The following KIF21A variants were observed in gnomAD, a reference collection of about 807,000 sequenced individuals.
The protein encoded by KIF21A is kinesin family member 21A.
Under a neutral mutation model 202.9 loss-of-function variants are expected in KIF21A, and 114 were observed. The ratio of observed to expected loss-of-function variants is 0.56; its 90% CI spans 0.48 to 0.66. The LOEUF (loss-of-function observed/expected upper bound fraction) is 0.66. Among genes scored for constraint, KIF21A ranks in the 30% least tolerant of loss-of-function variants. The probability of loss-of-function intolerance (pLI) is 0.00; values close to 1 mark genes in which losing one functional copy is unlikely to be tolerated. For missense variants in KIF21A, 1,677 were observed against 1,994.9 expected (o/e 0.84, Z 3.04); for synonymous variants, 667 against 670.8 (o/e 0.99, Z 0.09).
In KIF21A at chr12:39,330,266, T is replaced by A. The variant is rs371915160; in HGVS notation, c.3320-4A>T. On this transcript the variant is annotated splice_polypyrimidine_tract_variant and splice_region_variant and intron_variant, in intron 23 of 37. Coordinates refer to ENST00000361418, the MANE Select transcript of KIF21A (RefSeq NM_001173464.2). Reference sequence around the variant, plus strand: ...CCTAATGGTACGCTATCTAGATCTGTGTAAATAACAGCAAAAAGGAAACAA... The same window carrying A: ...CCTAATGGTACGCTATCTAGATCTGAGTAAATAACAGCAAAAAGGAAACAA... 6.9e-5 allele frequency: 112 copies of A among 1,611,926 alleles called. No homozygotes were observed. The highest frequency in any genetic ancestry group is 8.8e-5 in the Non-Finnish European group (104 of 1,178,468).
chr12:39,357,447 G>A lies in KIF21A; in HGVS notation c.1216-10C>T. ...CAATTATTCTTTTACCCTAGTAAAG[G>A]AAAATAATGTCCTTGTTGGTTGAGG... On this transcript the variant is annotated splice_polypyrimidine_tract_variant and intron_variant, in intron 8 of 37. Transcript: ENST00000361418. 1 of 1,609,868 alleles carries A rather than the reference G, an allele frequency of 6.2e-7. No individual in the cohort carries two copies. Among genetic ancestry groups the A allele is most frequent in the Non-Finnish European group, 8.5e-7 (1 of 1,176,398 alleles).
intron 10 of KIF21A, among the ~76,000 whole-genome samples, chr12:39,356,083 T>C (rs1948756732): frequency 2.0e-5 from 3 of 152,190 alleles, no homozygotes; most frequent in Admixed American, 2.0e-4. Context: ...GGGTTTTCCT[T>C]CAAGAAAAAA....
chr12:39,396,955 A>G (rs1456669230), intron 1 of KIF21A, among the ~76,000 whole-genome samples: 1 of 152,126 alleles, frequency 6.6e-6, no homozygotes, highest in Non-Finnish European at 1.5e-5. Flanking sequence ...ACCAAACTCA[A>G]AAGACTAAAT....
chr12:39,399,587 T>A (rs899721302), intron 1 of KIF21A, among the ~76,000 whole-genome samples: 1 of 152,196 alleles, frequency 6.6e-6, no homozygotes, highest in Non-Finnish European at 1.5e-5. Context: ...ACATGAGACA[T>A]ATGAGACACT....
At chr12:39,338,735 C>T (rs1284824418) in intron 16 of KIF21A, among the ~76,000 whole-genome samples, 1 of 152,072 alleles carries the variant, frequency 6.6e-6, no homozygotes, top group Non-Finnish European at 1.5e-5. Context: ...TATGTTTATG[C>T]TATACAGTAG....
In KIF21A at chr12:39,295,835, G is replaced by A. The variant is rs1942277445; in HGVS notation, c.4932-1318C>T. Among the ~76,000 whole-genome samples the A allele has an allele frequency of 2.0e-5, 3 of 150,362 alleles. No homozygotes were observed. The South Asian group carries it at 6.3e-4, about 32-fold the overall frequency. On this transcript the variant is annotated intron_variant, in intron 37 of 37. Coordinates refer to ENST00000361418, the MANE Select transcript of KIF21A (RefSeq NM_001173464.2). ...TCCTGCCTCAGCCTCCCAAGCAGCT[G>A]GGAAAACAAGCGCATGCCACTATGC...
chr12:39,331,841 G>A, intron 21 of KIF21A, 50 bp from the exon 22 acceptor site: 6 of 1,290,848 alleles, frequency 4.6e-6, no homozygotes, highest in Non-Finnish European at 6.8e-6. Context: ...GCTGAAAACA[G>A]AAGGCAACAG....
At chr12:39,382,008 A>G (rs557651995) in intron 1 of KIF21A, among the ~76,000 whole-genome samples, 1 of 152,306 alleles carries the variant, frequency 6.6e-6, no homozygotes, top group Non-Finnish European at 1.5e-5. Flanking sequence ...GAAAATGGGG[A>G]CCTCAGTCAT....
intron 24 of KIF21A, among the ~76,000 whole-genome samples, chr12:39,328,610 A>T (rs1946194955): frequency 6.6e-6 from 1 of 152,166 alleles, no homozygotes; most frequent in African/African-American, 2.4e-5. Context: ...CAAAAGTACA[A>T]CCCTGTGAGC....
chr12:39,341,702 T>G (rs1592239607), intron 13 of KIF21A, 80 bp from the exon 14 acceptor site: 1 of 1,432,572 alleles, frequency 7.0e-7, no homozygotes, highest in Non-Finnish European at 9.5e-7. Flanking sequence ...GCTGCTGGAG[T>G]ACAAAGTACG....
intron 1 of KIF21A, among the ~76,000 whole-genome samples, chr12:39,380,728 GGAAGGAAGGTAGGTAGATT>G (rs1950559058): frequency 6.6e-6 from 1 of 151,902 alleles, no homozygotes; most frequent in South Asian, 2.1e-4. Flanking sequence ...AAAGAAGGAA[GGAAGGAAGGTAGGTAGATT>G]GAAGGAAGGG....
intron 11 of KIF21A, among the ~76,000 whole-genome samples, chr12:39,348,853 C>T (rs1268596955): frequency 1.3e-5 from 2 of 151,700 alleles, no homozygotes; most frequent in South Asian, 4.1e-4. Flanking sequence ...ATTATGCTGC[C>T]TAACATATTT....
chr12:39,349,141 C>T (rs572229160), intron 11 of KIF21A, among the ~76,000 whole-genome samples: 102 of 152,126 alleles, frequency 6.7e-4, no homozygotes, highest in African/African-American at 2.2e-3. Flanking sequence ...ATGGCTAAAG[C>T]AGAAATTCCC....
chr12:39,394,123 C>T (rs1019266652), intron 1 of KIF21A, among the ~76,000 whole-genome samples: 2 of 152,206 alleles, frequency 1.3e-5, no homozygotes, highest in African/African-American at 4.8e-5. Flanking sequence ...CTTTTTCATT[C>T]CTCCATTCAG....
rs954840040 is a variant in KIF21A, at chr12:39,387,718, G to T, written c.45-17457C>A. Among the ~76,000 whole-genome samples, 8 of 152,218 alleles carry T rather than the reference G, an allele frequency of 5.3e-5. No individual in the cohort carries two copies. In the East Asian group the frequency reaches 1.5e-3, roughly 29 times the overall value. ...GGCAAAGAAATTAGCTTTCAGATTG[G>T]ATGTTCCAACCACAAGAATCCACAT... is the stretch of plus-strand genomic sequence containing the variant. On this transcript the variant is annotated intron_variant, in intron 1 of 37. Transcript: ENST00000361418.
Position 39,341,511 on chromosome 12 carries a change from C to T in KIF21A, c.1915G>A (p.Glu639Lys). The T allele has an allele frequency of 1.9e-6, 3 of 1,613,076 alleles. No individual in the cohort carries two copies. Among genetic ancestry groups the T allele is most frequent in the Non-Finnish European group, 2.5e-6 (3 of 1,179,638 alleles). ...TATACCAAAGGGCAAGTACCTTTTT[C>T]ATCTGATTCAGAATCTGATTCATCA... ...SSDESDSESD[E>K]KANYQADLAN... The change falls in exon 14 of 38, where the codon GAA becomes AAA. Residue 639 changes from glutamate (E) to lysine (K), a missense_variant. Glu to Lys is a moderately conservative substitution (Grantham distance 56, BLOSUM62 1). Around this residue, in one of 3 missense-constraint regions of KIF21A, gnomAD observed 966 missense variants for 1,180.9 expected, o/e 0.82. Coordinates refer to ENST00000361418, the MANE Select transcript of KIF21A (RefSeq NM_001173464.2).
At position 39,363,165 on chromosome 12, in the gene KIF21A, C is replaced by T; in HGVS notation, c.952G>A (p.Ala318Thr). ...ISALGDKSKR[A>T]THVPYRDSKL... is the part of the protein sequence containing the mutation. Reference sequence around the variant, plus strand: ...GAATCTCTATAGGGGACATGTGTGGCCCTCTTGCTCTTGTCTCCCAAGGCA... The same window carrying T: ...GAATCTCTATAGGGGACATGTGTGGTCCTCTTGCTCTTGTCTCCCAAGGCA... The change falls in exon 7 of 38, where the codon GCC becomes ACC. Residue 318 changes from alanine to threonine, a missense_variant. Ala to Thr is a moderately conservative substitution (Grantham distance 58). This residue lies in a region of KIF21A where 966 missense variants were observed against 1,180.9 expected (regional missense o/e 0.82). Transcript: ENST00000361418. 6.2e-6 allele frequency: 10 copies of T among 1,613,270 alleles called. No homozygotes were observed. Among genetic ancestry groups the T allele is most frequent in the Non-Finnish European group, 8.5e-6 (10 of 1,179,502 alleles).
At chr12:39,326,133 G>C in intron 25 of KIF21A, 131 bp downstream of exon 25, 1 of 773,366 alleles carries the variant, frequency 1.3e-6, no homozygotes, top group Non-Finnish European at 2.2e-6. Flanking sequence ...TCTATTTACT[G>C]TTTCTAAGTG....
At chr12:39,351,756 G>C (rs1421427508) in intron 11 of KIF21A, 21 bp downstream of exon 11, 1 of 1,360,904 alleles carries the variant, frequency 7.3e-7, no homozygotes, top group Non-Finnish European at 1.0e-6. Flanking sequence ...GATTCATTTA[G>C]TGGTGATTTT....
Sources: gnomAD v4.1 joint callset for allele counts (sites outside exome capture counted in the v4.1 genomes callset) on GRCh38, gnomAD v4.1.1 for gene constraint, gnomAD v4.1.1 regional missense constraint, MANE v1.5 for transcripts, NCBI Gene and HGNC (gene_info 2026-07-23, HGNC 2026-07-21) for gene names.